Variants in SLC33A1 observed in about 807,000 individuals in gnomAD.
The protein encoded by SLC33A1 is acetyl-coenzyme A transporter 1.
A neutral mutation model predicts 50.0 loss-of-function variants in SLC33A1; 20 were observed. The ratio of observed to expected loss-of-function variants is 0.40; its 90% CI spans 0.28 to 0.58. The LOEUF is 0.58. SLC33A1 is among the 20% of genes least tolerant of loss of function. The pLI is 0.44. For synonymous variants in SLC33A1, 265 were observed against 251.8 expected (o/e 1.05, Z -0.50); for missense variants, 476 against 657.0 (o/e 0.72, Z 3.01).
At position 155,853,988 on chromosome 3, in the gene SLC33A1, T is replaced by C; in HGVS notation, c.10A>G (p.Thr4Ala). ...CGGCTGCTGTCCTTGTGGGAGATGG[T>C]GGGTGACATATCAGAGACGATGCAG... MSPTISHKDSSRQR... is the reference protein window; with the variant it reads MSPAISHKDSSRQR... Residue 4 changes from threonine to alanine, a missense_variant, in exon 1 of 6, where the codon ACC (threonine) becomes GCC (alanine). Physicochemically the swap from Thr to Ala is moderately conservative, Grantham distance 58. Coordinates refer to ENST00000643144, the MANE Select transcript of SLC33A1 (RefSeq NM_004733.4). 6.5e-7 allele frequency: 1 copy of C among 1,545,864 alleles called. No individual in the cohort carries two copies. The highest frequency in any genetic ancestry group is 1.3e-5 in the South Asian group (1 of 78,664).
intron 2 of SLC33A1, among the ~76,000 whole-genome samples, chr3:155,839,627 T>C (rs1021200433): frequency 1.3e-5 from 2 of 152,062 alleles, no homozygotes; most frequent in African/African-American, 4.8e-5. Flanking sequence ...TAAAAAATTA[T>C]ATATGATTCA....
chr3:155,828,183 T>C lies in SLC33A1; in HGVS notation c.*27A>G. ...GAATTAAAACTAAACTACAATTACC[T>C]TGCTAGAATGTCCAGTAGCATATAT... On this transcript the variant is annotated 3_prime_UTR_variant, in exon 6 of 6. Transcript: ENST00000643144. The C allele has an allele frequency of 1.3e-6, 2 of 1,532,290 alleles. No homozygotes were observed. The highest frequency in any genetic ancestry group is 1.8e-6 in the Non-Finnish European group (2 of 1,105,556). 94.9% of individuals were successfully genotyped at this position (1,532,290 alleles called of 1,614,324 possible).
At chr3:155,833,614 T>C (rs1318021685) in intron 3 of SLC33A1, 29 bp from the exon 4 acceptor site, 1 of 1,300,576 alleles carries the variant, frequency 7.7e-7, no homozygotes, top group Non-Finnish European at 1.1e-6. Flanking sequence ...TGAGTTGACT[T>C]CCATTTTAGC....
intron 5 of SLC33A1, among the ~76,000 whole-genome samples, chr3:155,829,063 G>A (rs977616813): frequency 6.6e-6 from 1 of 151,686 alleles, no homozygotes; most frequent in African/African-American, 2.4e-5. Context: ...CACCCCGCCC[G>A]GCTAATTTTT....
intron 4 of SLC33A1, among the ~76,000 whole-genome samples, chr3:155,831,682 C>G (rs1265590473): frequency 6.6e-6 from 1 of 151,938 alleles, no homozygotes; most frequent in Admixed American, 6.6e-5. Context: ...CTATAACATA[C>G]CGACAGAAAT....
At chr3:155,833,186 T>C (rs1431012681) in intron 4 of SLC33A1, among the ~76,000 whole-genome samples, 1 of 151,776 alleles carries the variant, frequency 6.6e-6, no homozygotes, top group Non-Finnish European at 1.5e-5. Flanking sequence ...GAGGTGGAGG[T>C]TGCAGTGAGC....
rs1254993967 is a variant in SLC33A1 at position 155,833,888 on chromosome 3, A to C, written c.1117T>G (p.Leu373Val). ...GGCATGGCTTTGTAAAATGTGTTTAATGGCTGGGGACCTGCAGTGTATTTG... is the reference window on the plus strand; with the variant it reads ...GGCATGGCTTTGTAAAATGTGTTTACTGGCTGGGGACCTGCAGTGTATTTG... ...ISKYTAGPQP[L>V]NTFYKAMPYR... Residue 373 changes from leucine (L) to valine (V), a missense_variant, in exon 3 of 6, where the codon TTA (leucine) becomes GTA (valine). Leu to Val is a conservative substitution (Grantham distance 32). Transcript: ENST00000643144. 3.1e-6 allele frequency: 5 copies of C among 1,613,686 alleles called. No homozygotes were observed. The African/African-American group carries it at 6.7e-5, about 22-fold the overall frequency.
Position 155,853,990 on chromosome 3 carries a change from G to A in SLC33A1, c.8C>T (p.Pro3Leu). The A allele has an allele frequency of 6.5e-7, 1 of 1,545,700 alleles. No individual in the cohort carries two copies. Among genetic ancestry groups the A allele is most frequent in the Middle Eastern group, 1.8e-4 (1 of 5,666 alleles). The change falls in exon 1 of 6, where the codon CCC becomes CTC. Residue 3 changes from proline (P) to leucine (L), a missense_variant. Coordinates refer to ENST00000643144, the MANE Select transcript of SLC33A1 (RefSeq NM_004733.4). The part of the protein sequence containing the change: MS[P>L]TISHKDSSRQ... ...GCTGCTGTCCTTGTGGGAGATGGTG[G>A]GTGACATATCAGAGACGATGCAGAG... is the stretch of plus-strand genomic sequence containing the variant.
rs1233454922 is a variant in SLC33A1 at position 155,827,671 on chromosome 3, A to G, written c.*539T>C. The G allele has an allele frequency of 6.5e-5, 10 of 152,862 alleles. No homozygotes were observed. Among genetic ancestry groups the G allele is most frequent in the African/African-American group, 2.4e-4 (10 of 41,590 alleles). The allele number at this position is 152,862 out of a possible 1,614,324, so 9.5% of individuals were successfully genotyped here. On this transcript the variant is annotated 3_prime_UTR_variant, in exon 6 of 6. Coordinates refer to ENST00000643144, the MANE Select transcript of SLC33A1 (RefSeq NM_004733.4). ...TGTACAATGTGGTCATAAGAAAAATAACTAAAATGACATTTCAGTAGTCTA... is the reference window on the plus strand; with the variant it reads ...TGTACAATGTGGTCATAAGAAAAATGACTAAAATGACATTTCAGTAGTCTA...
rs1318495735 is a variant in SLC33A1 at position 155,840,744 on chromosome 3, G to A, written c.963+1688C>T. 2.0e-5 allele frequency among the ~76,000 whole-genome samples: 3 copies of A among 152,206 alleles called. No individual in the cohort carries two copies. In the East Asian group the frequency reaches 5.9e-4, roughly 30 times the overall value. On this transcript the variant is annotated intron_variant, in intron 2 of 5. Transcript: ENST00000643144. ...CAGGAGAACCGCTTGAACCCGGGAG[G>A]TGGAGGTTGCAGTAAGCCGAGATAG... is the stretch of plus-strand genomic sequence containing the variant.
intron 2 of SLC33A1, among the ~76,000 whole-genome samples, chr3:155,842,072 T>C (rs967275637): frequency 6.6e-6 from 1 of 152,146 alleles, no homozygotes; most frequent in Non-Finnish European, 1.5e-5. Flanking sequence ...GTCACACTCT[T>C]AGTAAATAAT....
At chr3:155,842,407 TA>T in intron 2 of SLC33A1, 24 bp downstream of exon 2, 1 of 1,494,576 alleles carries the variant, frequency 6.7e-7, no homozygotes, top group Non-Finnish European at 9.3e-7. Context: ...AAGAAAATGA[TA>T]AATTTGATTT....
chr3:155,842,689 A>G, intron 1 of SLC33A1, 70 bp from the exon 2 acceptor site: 1 of 829,326 alleles, frequency 1.2e-6, no homozygotes, highest in Non-Finnish European at 1.8e-6. Context: ...ATAATTCTAT[A>G]TACAATAACT....
chr3:155,842,395 A>G (rs770599492), intron 2 of SLC33A1, 37 bp downstream of exon 2: 2 of 1,375,852 alleles, frequency 1.5e-6, no homozygotes, highest in South Asian at 1.2e-5. Context: ...ATTGATACTT[A>G]TAAGAAAATG....
chr3:155,854,012 A>T lies in SLC33A1; in HGVS notation c.-15T>A, dbSNP rs1753525889. ...GTGGGTGACATATCAGAGACGATGCAGAGCCCCGTCTGTGGGGGGCCGAGG... is the reference window on the plus strand; with the variant it reads ...GTGGGTGACATATCAGAGACGATGCTGAGCCCCGTCTGTGGGGGGCCGAGG... On this transcript the variant is annotated 5_prime_UTR_variant, in exon 1 of 6. Transcript: ENST00000643144. The T allele has an allele frequency of 2.6e-6, 4 of 1,534,732 alleles. No homozygotes were observed. Among genetic ancestry groups the T allele is most frequent in the South Asian group, 2.6e-5 (2 of 76,714 alleles).
chr3:155,835,240 A>G (rs1186151696), intron 2 of SLC33A1, among the ~76,000 whole-genome samples: 1 of 152,186 alleles, frequency 6.6e-6, no homozygotes, highest in Admixed American at 6.6e-5. Context: ...CAGAATAAGG[A>G]AAGTGTAGCT....
intron 2 of SLC33A1, among the ~76,000 whole-genome samples, chr3:155,839,451 T>C (rs1211119200): frequency 6.8e-6 from 1 of 147,802 alleles, no homozygotes; most frequent in East Asian, 2.0e-4. Context: ...CAAAAATATT[T>C]GCTAGTGCAT....
chr3:155,833,799 TG>T (rs1752545882), intron 3 of SLC33A1, 57 bp downstream of exon 3: 1 of 1,296,976 alleles, frequency 7.7e-7, no homozygotes, highest in Non-Finnish European at 1.1e-6. Context: ...TTAGTGGTAT[TG>T]ATGAATGTTC....
chr3:155,854,125 C>A lies in SLC33A1; in HGVS notation c.-128G>T. ...TGGTTCACGGGATGGTGGCAGGGCT[C>A]AGAGCGATAAGGGCACTTCTTACTG... On this transcript the variant is annotated 5_prime_UTR_variant, in exon 1 of 6. Transcript: ENST00000643144. 1 of 716,090 alleles carries A rather than the reference C, an allele frequency of 1.4e-6. No individual in the cohort carries two copies. Among genetic ancestry groups the A allele is most frequent in the Non-Finnish European group, 2.2e-6 (1 of 452,188 alleles). 44.4% of individuals were successfully genotyped at this position (716,090 alleles called of 1,614,324 possible).
Sources: allele counts gnomAD v4.1 joint callset (sites outside exome capture counted in the v4.1 genomes callset), GRCh38; gene constraint gnomAD v4.1.1; transcripts MANE v1.5; gene names NCBI Gene and HGNC (gene_info 2026-07-23, HGNC 2026-07-21).